The following EFNA5 variants were observed in gnomAD, a reference collection of about 807,000 sequenced individuals.
The protein encoded by EFNA5 is ephrin A5.
EFNA5 carries 5 observed loss-of-function variants against 22.9 expected under a neutral mutation model. The ratio of observed to expected loss-of-function variants is 0.22; its 90% CI spans 0.11 to 0.46. EFNA5 has a LOEUF of 0.46. Among genes scored for constraint, EFNA5 ranks in the 20% least tolerant of loss-of-function variants. The pLI is 0.99. For missense variants in EFNA5, 237 were observed against 293.3 expected (o/e 0.81, Z 1.40); for synonymous variants, 113 against 112.2 (o/e 1.01, Z -0.04).
At position 107,670,728 on chromosome 5, in the gene EFNA5, A is replaced by G. The variant is rs1057449406; in HGVS notation, c.-115T>C. On this transcript the variant is annotated 5_prime_UTR_variant, in exon 1 of 5. Transcript: ENST00000333274. ...GAGAGCGGGCGCCAAATAAATATGAATAAATAAAAATGAAAGTGGGCGAGA... is the reference window on the plus strand; with the variant it reads ...GAGAGCGGGCGCCAAATAAATATGAGTAAATAAAAATGAAAGTGGGCGAGA... The G allele has an allele frequency of 2.1e-6, 3 of 1,416,012 alleles. No homozygotes were observed. The highest frequency in any genetic ancestry group is 2.9e-5 in the African/African-American group (2 of 68,866). 87.7% of individuals were successfully genotyped at this position (1,416,012 alleles called of 1,614,324 possible).
At chr5:107,479,892 A>G (rs2112397351) in intron 1 of EFNA5, among the ~76,000 whole-genome samples, 1 of 152,322 alleles carries the variant, frequency 6.6e-6, no homozygotes, top group Middle Eastern at 3.4e-3. Context: ...AAAGTAATGG[A>G]AAAAATGCAC....
intron 1 of EFNA5, among the ~76,000 whole-genome samples, chr5:107,436,834 C>T (rs1167483076): frequency 6.6e-6 from 1 of 152,146 alleles, no homozygotes; most frequent in Non-Finnish European, 1.5e-5. Flanking sequence ...CTGCTTACTT[C>T]CATGTAGCCC....
chr5:107,515,429 A>C (rs1747456692), intron 1 of EFNA5, among the ~76,000 whole-genome samples: 1 of 148,708 alleles, frequency 6.7e-6, no homozygotes, highest in African/African-American at 2.5e-5. Context: ...GCCAGGCTAG[A>C]GTGCAGTGGC....
chr5:107,532,906 C>A (rs1041953331), intron 1 of EFNA5, among the ~76,000 whole-genome samples: 3 of 152,182 alleles, frequency 2.0e-5, no homozygotes, highest in African/African-American at 2.4e-5. Flanking sequence ...TCTGAGGAAA[C>A]AAAGACTATT....
intron 1 of EFNA5, among the ~76,000 whole-genome samples, chr5:107,632,324 T>C (rs1468737428): frequency 1.3e-5 from 2 of 152,092 alleles, no homozygotes; most frequent in Non-Finnish European, 2.9e-5. Context: ...ATTGCATCCA[T>C]CCACAAAAAC....
At chr5:107,508,468 T>A (rs1747296983) in intron 1 of EFNA5, among the ~76,000 whole-genome samples, 1 of 152,262 alleles carries the variant, frequency 6.6e-6, no homozygotes, top group South Asian at 2.1e-4. Flanking sequence ...CTGCATAGTT[T>A]AATTCCTGTA....
At chr5:107,554,209 C>T (rs1748359243) in intron 1 of EFNA5, among the ~76,000 whole-genome samples, 1 of 152,176 alleles carries the variant, frequency 6.6e-6, no homozygotes, top group Non-Finnish European at 1.5e-5. Context: ...AGTTCATTCA[C>T]TGAGACATTT....
chr5:107,418,894 C>T (rs2112411315), intron 2 of EFNA5, among the ~76,000 whole-genome samples: 1 of 152,340 alleles, frequency 6.6e-6, no homozygotes, highest in Middle Eastern at 3.4e-3. Context: ...AGGAGTTAAA[C>T]TAGACTCATC....
At chr5:107,403,314 T>C (rs1748132348) in intron 2 of EFNA5, among the ~76,000 whole-genome samples, 1 of 152,184 alleles carries the variant, frequency 6.6e-6, no homozygotes, top group African/African-American at 2.4e-5. Flanking sequence ...AGACAGAAAA[T>C]ATTATGTCTG....
At chr5:107,392,895 A>T (rs544986205) in intron 2 of EFNA5, among the ~76,000 whole-genome samples, 2 of 152,236 alleles carry the variant, frequency 1.3e-5, no homozygotes, top group African/African-American at 2.4e-5. Flanking sequence ...TGCCTTGAAG[A>T]GAGGTAATTA....
intron 1 of EFNA5, among the ~76,000 whole-genome samples, chr5:107,512,084 G>A (rs146196666): frequency 5.9e-5 from 9 of 152,240 alleles, no homozygotes; most frequent in African/African-American, 1.9e-4. Flanking sequence ...ACTTCCTTTC[G>A]AAAGAAATAG....
intron 1 of EFNA5, among the ~76,000 whole-genome samples, chr5:107,556,312 G>C (rs55985612): frequency 1.3e-5 from 2 of 152,118 alleles, no homozygotes; most frequent in Non-Finnish European, 1.5e-5. Context: ...TACTTAATCT[G>C]CACAAGAGTC....
At chr5:107,425,207 A>G (rs1384709736) in intron 2 of EFNA5, among the ~76,000 whole-genome samples, 16 of 152,250 alleles carry the variant, frequency 1.1e-4, no homozygotes, top group Admixed American at 1.0e-3. Flanking sequence ...CGCTATGGGT[A>G]TATTTGAATA....
At chr5:107,662,182 C>A (rs1048422008) in intron 1 of EFNA5, among the ~76,000 whole-genome samples, 1 of 152,104 alleles carries the variant, frequency 6.6e-6, no homozygotes. Flanking sequence ...AAGTTTTCTG[C>A]GCAAAAATGG....
At chr5:107,427,178 G>C (rs1362030038) in intron 2 of EFNA5, 39 bp downstream of exon 2, 4 of 1,611,128 alleles carry the variant, frequency 2.5e-6, no homozygotes, top group Non-Finnish European at 3.4e-6. Context: ...CTGGGTTCTT[G>C]CAGCTGCCCT....
intron 1 of EFNA5, among the ~76,000 whole-genome samples, chr5:107,515,344 A>G (rs959803592): frequency 2.1e-5 from 3 of 144,664 alleles, no homozygotes; most frequent in African/African-American, 7.8e-5. Flanking sequence ...GCATCAAGAC[A>G]TGGTTTTTAT....
chr5:107,392,562 G>C (rs997857879), intron 2 of EFNA5, among the ~76,000 whole-genome samples: 2 of 152,180 alleles, frequency 1.3e-5, no homozygotes, highest in African/African-American at 4.8e-5. Context: ...GTTGCCTTGG[G>C]AGAGACTCAA....
At chr5:107,386,345 C>A (rs571653009) in intron 4 of EFNA5, among the ~76,000 whole-genome samples, 23 of 152,138 alleles carry the variant, frequency 1.5e-4, no homozygotes, top group African/African-American at 5.1e-4. Flanking sequence ...TCCAGGCACA[C>A]CCCTCCATAA....
At chr5:107,431,067 C>A (rs949164573) in intron 1 of EFNA5, among the ~76,000 whole-genome samples, 1 of 152,176 alleles carries the variant, frequency 6.6e-6, no homozygotes, top group East Asian at 1.9e-4. Flanking sequence ...AGCCACCGCG[C>A]CCGGCCACAA....
Sources: allele counts gnomAD v4.1 joint callset (sites outside exome capture counted in the v4.1 genomes callset), GRCh38; gene constraint gnomAD v4.1.1; transcripts MANE v1.5; gene names NCBI Gene and HGNC (gene_info 2026-07-23, HGNC 2026-07-21).